Variants in THSD7A observed in about 807,000 individuals in gnomAD.
The protein encoded by THSD7A is thrombospondin type-1 domain-containing protein 7A.
In THSD7A, 96 loss-of-function variants were observed where a neutral mutation model predicts 231.3. The ratio of observed to expected loss-of-function variants is 0.41; its 90% CI spans 0.35 to 0.49. THSD7A has a LOEUF of 0.49. Ranked by LOEUF, THSD7A falls within the 20% of genes least tolerant of loss-of-function variation. The pLI is 0.05. For missense variants in THSD7A, 2,290 were observed against 2,070.2 expected (o/e 1.11, Z -2.06); for synonymous variants, 940 against 743.3 (o/e 1.26, Z -4.30).
intron 6 of THSD7A, among the ~76,000 whole-genome samples, chr7:11,511,263 A>G (rs1787796852): frequency 6.6e-6 from 1 of 152,192 alleles, no homozygotes; most frequent in South Asian, 2.1e-4. Flanking sequence ...ACTACAAACC[A>G]CTGCTCAACG....
chr7:11,699,977 T>C (rs1027460826), intron 1 of THSD7A, among the ~76,000 whole-genome samples: 1 of 151,300 alleles, frequency 6.6e-6, no homozygotes, highest in African/African-American at 2.4e-5. Context: ...AAAAGCAGAG[T>C]CAGAATCAGA....
chr7:11,382,908 C>T (rs1445997573), intron 23 of THSD7A, among the ~76,000 whole-genome samples: 1 of 148,292 alleles, frequency 6.7e-6, no homozygotes, highest in Non-Finnish European at 1.5e-5. Context: ...TAGAGAATAA[C>T]TGTATATATA....
chr7:11,774,382 A>T (rs1405547306), intron 1 of THSD7A, among the ~76,000 whole-genome samples: 1 of 152,100 alleles, frequency 6.6e-6, no homozygotes, highest in Non-Finnish European at 1.5e-5. Flanking sequence ...AGGCAAGATA[A>T]ATCAGTTCTA....
intron 26 of THSD7A, 34 bp downstream of exon 26, chr7:11,379,036 G>A: frequency 6.2e-7 from 1 of 1,604,488 alleles, no homozygotes; most frequent in Non-Finnish European, 8.5e-7. Flanking sequence ...AAGAACTAAA[G>A]GTTTCTCTTT....
chr7:11,618,773 A>G (rs929080488), intron 2 of THSD7A, among the ~76,000 whole-genome samples: 3 of 151,838 alleles, frequency 2.0e-5, no homozygotes, highest in African/African-American at 7.3e-5. Flanking sequence ...CCTGGGAGAC[A>G]GAGCGAGACT....
At chr7:11,769,153 A>ATATATTTTTTTTTTTT in intron 1 of THSD7A, among the ~76,000 whole-genome samples, 5 of 27,642 alleles carry the variant, frequency 1.8e-4, no homozygotes, top group Non-Finnish European at 3.5e-4. Flanking sequence ...ATATATATAT[A>ATATATTTTTTTTTTTT]TTTTTTTTTT....
intron 1 of THSD7A, among the ~76,000 whole-genome samples, chr7:11,755,666 T>C (rs1029326737): frequency 1.3e-5 from 2 of 152,086 alleles, no homozygotes; most frequent in Non-Finnish European, 1.5e-5. Context: ...AAGTACCTCA[T>C]GTTGAGCAGA....
intron 19 of THSD7A, among the ~76,000 whole-genome samples, chr7:11,408,896 G>GAGAT (rs1310301079): frequency 2.0e-5 from 3 of 152,158 alleles, no homozygotes; most frequent in African/African-American, 4.8e-5. Flanking sequence ...TGGGAGGTTG[G>GAGAT]AGATAGGAAT....
intron 20 of THSD7A, 35 bp from the exon 21 acceptor site, chr7:11,407,090 A>G (rs777635966): frequency 2.5e-6 from 4 of 1,609,874 alleles, no homozygotes; most frequent in East Asian, 2.2e-5. Flanking sequence ...CCTTTAATAT[A>G]TGTTATGGTT....
At chr7:11,635,634 T>C (rs975412680) in intron 2 of THSD7A, among the ~76,000 whole-genome samples, 4 of 152,164 alleles carry the variant, frequency 2.6e-5, no homozygotes, top group African/African-American at 2.4e-5. Context: ...TATTCCATTA[T>C]ATACAATGTG....
rs1021903061 is a variant in THSD7A at position 11,692,766 on chromosome 7, T to C, written c.191-55805A>G. 4.0e-5 allele frequency among the ~76,000 whole-genome samples: 6 copies of C among 151,706 alleles called. No individual in the cohort carries two copies. In the East Asian group the frequency reaches 1.2e-3, roughly 30 times the overall value. ...TAATTTTTCAATATAAAATTCTACA[T>C]ATAAACACTGACCTGTGTAAAGGGT... On this transcript the variant is annotated intron_variant, in intron 1 of 27. Transcript: ENST00000423059.
At chr7:11,577,588 G>T (rs1047324345) in intron 4 of THSD7A, among the ~76,000 whole-genome samples, 12 of 151,342 alleles carry the variant, frequency 7.9e-5, no homozygotes, top group African/African-American at 2.7e-4. Context: ...AAGGCCTGGG[G>T]TTACAGGTGT....
chr7:11,479,057 C>A (rs529263359), intron 7 of THSD7A, among the ~76,000 whole-genome samples: 1 of 152,246 alleles, frequency 6.6e-6, no homozygotes, highest in South Asian at 2.1e-4. Context: ...GATTGTGGAA[C>A]CAGGTCTTCA....
At chr7:11,557,606 T>C (rs994534723) in intron 4 of THSD7A, among the ~76,000 whole-genome samples, 9 of 152,146 alleles carry the variant, frequency 5.9e-5, no homozygotes, top group South Asian at 4.1e-4. Flanking sequence ...TGGCTTTTTA[T>C]GACCCTGCTC....
chr7:11,645,783 A>G (rs936051195), intron 1 of THSD7A, among the ~76,000 whole-genome samples: 6 of 151,870 alleles, frequency 4.0e-5, no homozygotes, highest in African/African-American at 1.2e-4. Flanking sequence ...TACATCAAGC[A>G]GTAGATATAA....
rs180945343 is a variant in THSD7A, at chr7:11,770,374, G to A, written c.190+61383C>T. Among the ~76,000 whole-genome samples the A allele has an allele frequency of 5.9e-4, 90 of 152,122 alleles. 1 individual carries two copies. Among genetic ancestry groups the A allele is most frequent in the Middle Eastern group, 3.4e-3 (1 of 294 alleles). On this transcript the variant is annotated intron_variant, in intron 1 of 27. Coordinates refer to ENST00000423059, the MANE Select transcript of THSD7A (RefSeq NM_015204.3). ...CATAATCTGGTTTAATCCTAGGTTTGCTCAAAATGTGATCTTAATGAAACC... is the reference window on the plus strand; with the variant it reads ...CATAATCTGGTTTAATCCTAGGTTTACTCAAAATGTGATCTTAATGAAACC...
chr7:11,525,643 T>C (rs1166221153), intron 6 of THSD7A, among the ~76,000 whole-genome samples: 3 of 152,190 alleles, frequency 2.0e-5, no homozygotes, highest in African/African-American at 7.2e-5. Context: ...ATATGTATAA[T>C]GCTTGGGTAT....
At chr7:11,464,615 A>G (rs1460213777) in intron 9 of THSD7A, among the ~76,000 whole-genome samples, 1 of 152,176 alleles carries the variant, frequency 6.6e-6, no homozygotes, top group East Asian at 1.9e-4. Context: ...AATTAGTACT[A>G]GATATATAAG....
At position 11,528,201 on chromosome 7, in the gene THSD7A, G is replaced by C. The variant is rs188276707; in HGVS notation, c.1822+13218C>G. Among the ~76,000 whole-genome samples, 21 of 152,048 alleles carry C rather than the reference G, an allele frequency of 1.4e-4. 1 individual carries two copies. On this transcript the variant is annotated intron_variant, in intron 6 of 27. Coordinates refer to ENST00000423059, the MANE Select transcript of THSD7A (RefSeq NM_015204.3). The stretch of plus-strand genomic sequence containing the variant: ...AATAAAATGTAGAAAACAACACGTG[G>C]CTTCATGTGAGGATAGCTCTAAAGG...
Sources: gnomAD v4.1 joint callset for allele counts (sites outside exome capture counted in the v4.1 genomes callset) on GRCh38, gnomAD v4.1.1 for gene constraint, MANE v1.5 for transcripts, NCBI Gene and HGNC (gene_info 2026-07-23, HGNC 2026-07-21) for gene names.